The following SESN1 variants were observed in gnomAD, a reference collection of about 807,000 sequenced individuals.
SESN1 encodes sestrin 1, also known as sestrin-1.
Under a neutral mutation model 59.3 loss-of-function variants are expected in SESN1, and 30 were observed. The ratio of observed to expected loss-of-function variants is 0.51; its 90% CI spans 0.38 to 0.69. The LOEUF (loss-of-function observed/expected upper bound fraction) is 0.69. SESN1 is among the 30% of genes least tolerant of loss of function. The pLI is 0.00. For synonymous variants in SESN1, 197 were observed against 219.9 expected (o/e 0.90, Z 0.92); for missense variants, 566 against 673.0 (o/e 0.84, Z 1.76).
intron 1 of SESN1, among the ~76,000 whole-genome samples, chr6:109,080,165 G>A (rs1781096664): frequency 6.6e-6 from 1 of 152,148 alleles, no homozygotes. Context: ...GGGCGGGGAA[G>A]GGGACGTTCA....
chr6:109,070,192 G>A (rs143346271), intron 1 of SESN1, among the ~76,000 whole-genome samples: 4 of 152,320 alleles, frequency 2.6e-5, no homozygotes, highest in Non-Finnish European at 5.9e-5. Flanking sequence ...CCCAGAGAGT[G>A]GGGCCCCTAC....
At chr6:109,020,911 T>C (rs1780002140) in intron 1 of SESN1, among the ~76,000 whole-genome samples, 2 of 152,216 alleles carry the variant, frequency 1.3e-5, no homozygotes, top group South Asian at 2.1e-4. Context: ...CATTTGATGG[T>C]TGTAGTTCCC....
In SESN1 at chr6:109,022,837, A is replaced by AG. The variant is rs146690227; in HGVS notation, c.280-20495dup. Among the ~76,000 whole-genome samples the AG allele has an allele frequency of 2.0e-4, 31 of 152,310 alleles. No homozygotes were observed. In the East Asian group the frequency reaches 5.4e-3, roughly 27 times the overall value. On this transcript the variant is annotated intron_variant, in intron 1 of 9. Transcript: ENST00000436639. ...GTATTTAACCCAAGGCCACACATCA[A>AG]GGGGCCTGAGTAAAGGTTAGAACTC...
At chr6:109,020,699 T>C (rs1453364840) in intron 1 of SESN1, among the ~76,000 whole-genome samples, 1 of 152,222 alleles carries the variant, frequency 6.6e-6, no homozygotes, top group Non-Finnish European at 1.5e-5. Flanking sequence ...TCATCACTGT[T>C]ATATTTAGCA....
chr6:109,033,441 C>A (rs1490913873), intron 1 of SESN1, among the ~76,000 whole-genome samples: 1 of 152,178 alleles, frequency 6.6e-6, no homozygotes, highest in Non-Finnish European at 1.5e-5. Flanking sequence ...GATGGAGATG[C>A]TTATCAATAG....
intron 1 of SESN1, among the ~76,000 whole-genome samples, chr6:109,071,357 T>C (rs1490841418): frequency 2.0e-5 from 3 of 151,224 alleles, no homozygotes; most frequent in Non-Finnish European, 3.0e-5. Flanking sequence ...TTGTTTCTTT[T>C]TTTTTTTTTT....
chr6:109,053,094 G>A (rs1315212428), intron 1 of SESN1, among the ~76,000 whole-genome samples: 1 of 152,028 alleles, frequency 6.6e-6, no homozygotes, highest in Non-Finnish European at 1.5e-5. Context: ...CAGGGAATTG[G>A]GGGTAGGAGG....
chr6:109,039,709 C>T (rs774562156), intron 1 of SESN1, among the ~76,000 whole-genome samples: 22 of 152,194 alleles, frequency 1.4e-4, no homozygotes, highest in East Asian at 1.2e-3. Flanking sequence ...TTACTAGAAA[C>T]GAGAACCAGT....
chr6:109,016,624 G>A (rs925256224), intron 1 of SESN1, among the ~76,000 whole-genome samples: 7 of 152,122 alleles, frequency 4.6e-5, no homozygotes, highest in Non-Finnish European at 7.4e-5. Flanking sequence ...TTCTCACTCT[G>A]TGGGCCATTT....
chr6:109,047,838 G>T (rs1780477538), intron 1 of SESN1, among the ~76,000 whole-genome samples: 1 of 146,072 alleles, frequency 6.8e-6, no homozygotes, highest in African/African-American at 2.5e-5. Context: ...GTCCACTCAG[G>T]GTTAAATGGA....
At chr6:109,009,868 C>T (rs1779826314) in intron 1 of SESN1, among the ~76,000 whole-genome samples, 1 of 152,060 alleles carries the variant, frequency 6.6e-6, no homozygotes, top group Non-Finnish European at 1.5e-5. Context: ...CCCCCTACAC[C>T]CCTGCTCGGC....
intron 7 of SESN1, among the ~76,000 whole-genome samples, chr6:108,991,865 T>C (rs1779392403): frequency 6.6e-6 from 1 of 152,218 alleles, no homozygotes; most frequent in Non-Finnish European, 1.5e-5. Flanking sequence ...ATCTTTAGCT[T>C]GAAGCTCTCA....
At chr6:109,091,128 C>T (rs1308761431) in intron 1 of SESN1, among the ~76,000 whole-genome samples, 1 of 152,168 alleles carries the variant, frequency 6.6e-6, no homozygotes, top group Admixed American at 6.5e-5. Flanking sequence ...TCATGCAGTT[C>T]AAACCTATGC....
intron 1 of SESN1, among the ~76,000 whole-genome samples, chr6:109,084,411 G>T (rs577955352): frequency 6.6e-6 from 1 of 152,022 alleles, no homozygotes; most frequent in Admixed American, 6.5e-5. Context: ...AAATATAGCC[G>T]GGCATCGTGG....
intron 1 of SESN1, among the ~76,000 whole-genome samples, chr6:109,016,754 A>C (rs541549277): frequency 5.3e-5 from 8 of 152,272 alleles, no homozygotes; most frequent in Non-Finnish European, 1.2e-4. Context: ...TCAAACAATA[A>C]AAGATATAAT....
At chr6:109,019,082 A>G (rs532956955) in intron 1 of SESN1, among the ~76,000 whole-genome samples, 132 of 149,864 alleles carry the variant, frequency 8.8e-4, no homozygotes, top group Non-Finnish European at 1.7e-3. Flanking sequence ...TTGAACTTAA[A>G]TAATTCATTG....
chr6:109,044,372 G>A (rs371394333), intron 1 of SESN1, among the ~76,000 whole-genome samples: 6 of 117,574 alleles, frequency 5.1e-5, no homozygotes, highest in Non-Finnish European at 8.7e-5. Flanking sequence ...ATTCAATGGA[G>A]AAAGGAAGAA....
chr6:108,985,677 C>A lies in SESN1; in HGVS notation c.*1867G>T, dbSNP rs990475828. Among the ~76,000 whole-genome samples, 22 of 152,104 alleles carry A rather than the reference C, an allele frequency of 1.4e-4. No individual in the cohort carries two copies. The highest frequency in any genetic ancestry group is 4.8e-4 in the African/African-American group (20 of 41,420). On this transcript the variant is annotated 3_prime_UTR_variant, in exon 10 of 10. Transcript: ENST00000436639. ...ATCTTGTTTTGTGATCACTCTACTGCTGATTAGAATCTCTACTAGAAATTT... is the reference window on the plus strand; with the variant it reads ...ATCTTGTTTTGTGATCACTCTACTGATGATTAGAATCTCTACTAGAAATTT...
At chr6:109,048,777 CCT>C (rs1780493700) in intron 1 of SESN1, among the ~76,000 whole-genome samples, 1 of 152,142 alleles carries the variant, frequency 6.6e-6, no homozygotes. Flanking sequence ...CTCCCATTCC[CCT>C]GATTCTAAAT....
Sources: gnomAD v4.1 joint callset for allele counts (sites outside exome capture counted in the v4.1 genomes callset) on GRCh38, gnomAD v4.1.1 for gene constraint, MANE v1.5 for transcripts, NCBI Gene and HGNC (gene_info 2026-07-23, HGNC 2026-07-21) for gene names.